Variants in BMERB1 observed in about 807,000 individuals in gnomAD.
The protein encoded by BMERB1 is bMERB domain containing 1, also known as bMERB domain-containing protein 1.
A neutral mutation model predicts 23.6 loss-of-function variants in BMERB1; 12 were observed. That is an observed-to-expected ratio of 0.51 (90% CI 0.33 to 0.82). BMERB1 has a LOEUF of 0.82. BMERB1 is among the 40% of genes least tolerant of loss of function. The probability of loss-of-function intolerance (pLI) is 0.03; values close to 1 mark genes in which losing one functional copy is unlikely to be tolerated. For synonymous variants in BMERB1, 122 were observed against 96.6 expected (o/e 1.26, Z -1.54); for missense variants, 247 against 255.4 (o/e 0.97, Z 0.22).
At position 15,534,586 on chromosome 16, in the gene BMERB1, C is replaced by T. The variant is rs187798156; in HGVS notation, c.230+19158C>T. Among the ~76,000 whole-genome samples the T allele has an allele frequency of 1.1e-3, 169 of 152,190 alleles. 1 individual carries two copies. The highest frequency in any genetic ancestry group is 3.9e-3 in the African/African-American group (160 of 41,518). On this transcript the variant is annotated intron_variant, in intron 2 of 5. Transcript: ENST00000300006. ...AAGTCAATGTTCCAGTAAAGGGCAT[C>T]GTGGTATCCATATGGCCATAACTAG...
At chr16:15,537,386 G>A (rs1407559986) in intron 2 of BMERB1, among the ~76,000 whole-genome samples, 1 of 150,518 alleles carries the variant, frequency 6.6e-6, no homozygotes, top group East Asian at 1.9e-4. Context: ...ACAGCATCTC[G>A]CTCTGTTGCC....
intron 3 of BMERB1, among the ~76,000 whole-genome samples, chr16:15,579,981 C>T (rs147935234): frequency 4.4e-4 from 67 of 152,258 alleles, no homozygotes; most frequent in African/African-American, 1.5e-3. Flanking sequence ...CATAGGTAAA[C>T]GTGGGCCATG....
chr16:15,509,726 G>GC lies in BMERB1; in HGVS notation c.107-5575dup, dbSNP rs1427162828. ...CTGTGCTCTGTGTGCAGGATCTCAA[G>GC]CCCCTGGAGAGAGTGACATTGTTGT... On this transcript the variant is annotated intron_variant, in intron 1 of 5. Coordinates refer to ENST00000300006, the MANE Select transcript of BMERB1 (RefSeq NM_033201.3). 3.9e-5 allele frequency among the ~76,000 whole-genome samples: 6 copies of GC among 152,148 alleles called. No homozygotes were observed. In the South Asian group the frequency reaches 1.2e-3, roughly 32 times the overall value.
chr16:15,509,400 A>T (rs1326353477), intron 1 of BMERB1, among the ~76,000 whole-genome samples: 1 of 151,952 alleles, frequency 6.6e-6, no homozygotes, highest in Non-Finnish European at 1.5e-5. Flanking sequence ...TGGCTGTGTG[A>T]TGTTGAACAA....
chr16:15,545,484 G>A (rs1331951119), intron 2 of BMERB1, among the ~76,000 whole-genome samples: 1 of 152,158 alleles, frequency 6.6e-6, no homozygotes, highest in Non-Finnish European at 1.5e-5. Context: ...TTTGGTTAGG[G>A]TTGTTGGCCA....
intron 1 of BMERB1, 74 bp downstream of exon 1, chr16:15,434,833 G>A (rs1011587703): frequency 1.1e-5 from 15 of 1,347,024 alleles, no homozygotes; most frequent in African/African-American, 2.9e-5. Context: ...GGTCGCGGGA[G>A]CGCGAGGAAC....
chr16:15,434,901 C>A, intron 1 of BMERB1, 142 bp downstream of exon 1: 1 of 665,866 alleles, frequency 1.5e-6, no homozygotes, highest in Non-Finnish European at 2.5e-6. Context: ...CAGGGGGATA[C>A]GCAGCTCTGC....
chr16:15,549,489 G>T (rs2150965541), intron 2 of BMERB1, among the ~76,000 whole-genome samples: 1 of 152,126 alleles, frequency 6.6e-6, no homozygotes, highest in South Asian at 2.1e-4. Flanking sequence ...GTCCATCCTG[G>T]CCAACGTGGT....
At chr16:15,568,133 C>A in intron 3 of BMERB1, 77 bp downstream of exon 3, 1 of 1,265,528 alleles carries the variant, frequency 7.9e-7, no homozygotes, top group Non-Finnish European at 1.1e-6. Context: ...ACGCCTGGGT[C>A]TGGAAGACAG....
intron 2 of BMERB1, among the ~76,000 whole-genome samples, chr16:15,565,298 G>A (rs1195700767): frequency 3.3e-5 from 5 of 152,120 alleles, no homozygotes; most frequent in South Asian, 2.1e-4. Context: ...ACCTGTTTCC[G>A]CATGAGTAAA....
intron 5 of BMERB1, among the ~76,000 whole-genome samples, chr16:15,584,512 C>G (rs1341928298): frequency 1.4e-5 from 2 of 143,146 alleles, no homozygotes; most frequent in East Asian, 4.1e-4. Flanking sequence ...GAGCCGAGAT[C>G]ACACCACTAC....
chr16:15,437,874 C>T (rs192242804), intron 1 of BMERB1, among the ~76,000 whole-genome samples: 1 of 151,766 alleles, frequency 6.6e-6, no homozygotes, highest in Non-Finnish European at 1.5e-5. Context: ...AGGAGAATGG[C>T]GTGAACCTGG....
At chr16:15,541,859 C>T (rs1343067707) in intron 2 of BMERB1, among the ~76,000 whole-genome samples, 3 of 151,516 alleles carry the variant, frequency 2.0e-5, no homozygotes, top group South Asian at 4.2e-4. Flanking sequence ...GCCTCGGCCT[C>T]CCAAAGTGCT....
chr16:15,571,782 A>C (rs1367003125), intron 3 of BMERB1, among the ~76,000 whole-genome samples: 1 of 152,148 alleles, frequency 6.6e-6, no homozygotes, highest in Non-Finnish European at 1.5e-5. Context: ...GGACTAAGAC[A>C]AGACTATAAA....
At chr16:15,540,343 T>C (rs2052066798) in intron 2 of BMERB1, among the ~76,000 whole-genome samples, 1 of 151,502 alleles carries the variant, frequency 6.6e-6, no homozygotes, top group Non-Finnish European at 1.5e-5. Context: ...CTGTCTAACA[T>C]GGCAAAACCC....
At chr16:15,521,084 T>C (rs1037030351) in intron 2 of BMERB1, among the ~76,000 whole-genome samples, 1 of 152,202 alleles carries the variant, frequency 6.6e-6, no homozygotes, top group Non-Finnish European at 1.5e-5. Context: ...CTATGTAAAC[T>C]CCTAGTTTTA....
intron 2 of BMERB1, among the ~76,000 whole-genome samples, chr16:15,556,733 G>A (rs888222365): frequency 2.0e-5 from 3 of 151,970 alleles, no homozygotes; most frequent in Non-Finnish European, 2.9e-5. Context: ...CTACAAGCAC[G>A]TGCCACCACG....
intron 1 of BMERB1, among the ~76,000 whole-genome samples, chr16:15,453,480 G>A (rs1386458983): frequency 6.6e-6 from 1 of 152,074 alleles, no homozygotes; most frequent in African/African-American, 2.4e-5. Flanking sequence ...TACTTGGGAG[G>A]CCAAGGCAGG....
chr16:15,568,015 T>G lies in BMERB1; in HGVS notation c.263T>G (p.Met88Arg). Reference sequence around the variant, plus strand: ...GACATCCAGCTCTGCAAGGACATCATGGACTTGAAGCAGGAGCTGCAGAAC... The same window carrying G: ...GACATCCAGCTCTGCAAGGACATCAGGGACTTGAAGCAGGAGCTGCAGAAC... ...MDDIQLCKDIMDLKQELQNLV... is the reference protein window; with the variant it reads ...MDDIQLCKDIRDLKQELQNLV... Residue 88 changes from methionine to arginine, a missense_variant, in exon 3 of 6, where the codon ATG (methionine) becomes AGG (arginine). Transcript: ENST00000300006. 6.2e-7 allele frequency: 1 copy of G among 1,614,064 alleles called. No individual in the cohort carries two copies. Among genetic ancestry groups the G allele is most frequent in the Non-Finnish European group, 8.5e-7 (1 of 1,179,928 alleles).
Sources: gnomAD v4.1 joint callset for allele counts (sites outside exome capture counted in the v4.1 genomes callset) on GRCh38, gnomAD v4.1.1 for gene constraint, MANE v1.5 for transcripts, NCBI Gene and HGNC (gene_info 2026-07-23, HGNC 2026-07-21) for gene names.